The following DUOX2 variants were observed in gnomAD, a reference collection of about 807,000 sequenced individuals.
DUOX2 encodes NADH/NADPH thyroid oxidase p138-tox.
A neutral mutation model predicts 183.3 loss-of-function variants in DUOX2; 185 were observed. That is an observed-to-expected ratio of 1.01 (90% CI 0.90 to 1.14). The LOEUF is 1.14. DUOX2 is among the 50% of genes most tolerant of loss of function. DUOX2 has a pLI of 0.00. For synonymous variants in DUOX2, 788 were observed against 812.4 expected (o/e 0.97, Z 0.51); for missense variants, 1,999 against 2,022.9 (o/e 0.99, Z 0.23).
At chr15:45,098,497 G>C (rs772889514) in intron 26 of DUOX2, among the ~76,000 whole-genome samples, 3 of 152,208 alleles carry the variant, frequency 2.0e-5, no homozygotes, top group Non-Finnish European at 4.4e-5. Flanking sequence ...ATAAATGTCT[G>C]TCCAGTGAAT....
rs777465697 is a variant in DUOX2, at chr15:45,111,536, G to A, written c.563C>T (p.Ser188Leu). Residue 188 changes from serine to leucine, a missense_variant, in exon 6 of 34, where the codon TCG (serine) becomes TTG (leucine). By Grantham distance (145) the Ser-to-Leu change is moderately radical. Transcript: ENST00000389039. ...WLDGSAIYGS[S>L]HSWSDALRSF... Reference sequence around the variant, plus strand: ...CCGCAGCGCGTCGCTCCAGGAGTGCGAGGAGCCATAGATGGCGCTGCCGTC... The same window carrying A: ...CCGCAGCGCGTCGCTCCAGGAGTGCAAGGAGCCATAGATGGCGCTGCCGTC... The A allele has an allele frequency of 1.9e-6, 3 of 1,555,782 alleles. No homozygotes were observed. The highest frequency in any genetic ancestry group is 2.6e-6 in the Non-Finnish European group (3 of 1,153,862).
chr15:45,108,316 G>A, intron 12 of DUOX2, 94 bp from the exon 13 acceptor site: 1 of 1,446,154 alleles, frequency 6.9e-7, no homozygotes, highest in Non-Finnish European at 9.6e-7. Flanking sequence ...CTCAGCCGCT[G>A]CCTGGCTGCT....
chr15:45,105,022 T>C (rs1430945717), intron 18 of DUOX2, among the ~76,000 whole-genome samples: 7 of 152,190 alleles, frequency 4.6e-5, no homozygotes, highest in Non-Finnish European at 1.0e-4. Flanking sequence ...GGTTTCACCA[T>C]GTTGGCCATG....
chr15:45,103,072 G>T (rs371001731), intron 20 of DUOX2, among the ~76,000 whole-genome samples: 1 of 152,216 alleles, frequency 6.6e-6, no homozygotes, highest in Non-Finnish European at 1.5e-5. Context: ...GCCTCACCTC[G>T]GGCTGGGCCT....
In DUOX2 at chr15:45,106,380, G is replaced by A. The variant is rs893990906; in HGVS notation, c.1946-53C>T. On this transcript the variant is annotated intron_variant, in intron 16 of 33. Coordinates refer to ENST00000389039, the MANE Select transcript of DUOX2 (RefSeq NM_001363711.2). The stretch of plus-strand genomic sequence containing the variant: ...GTTCAGCAGATGTCCCCAGGTCCCC[G>A]CCTTCAGGTCAATTCCTCTGTGAGT... 8.1e-6 allele frequency: 13 copies of A among 1,605,090 alleles called. 1 individual carries two copies. The highest frequency in any genetic ancestry group is 5.0e-5 in the Admixed American group (3 of 59,930).
At position 45,112,995 on chromosome 15, in the gene DUOX2, C is replaced by G; in HGVS notation, c.152G>C (p.Gly51Ala). The G allele has an allele frequency of 1.2e-6, 2 of 1,613,610 alleles. No individual in the cohort carries two copies. The highest frequency in any genetic ancestry group is 2.7e-5 in the African/African-American group (2 of 75,070). Residue 51 changes from glycine to alanine, a missense_variant, in exon 3 of 34, where the codon GGT (glycine) becomes GCT (alanine). Transcript: ENST00000389039. ...GGGCCCCCAGAACGCACCAACAGCA[C>G]CACGCTCGTGGTGCCTCAGGTTGTT... ...WFNNLRHHER[G>A]AVGCRLQRRV...
At chr15:45,099,641 A>G (rs1894010029) in intron 25 of DUOX2, 21 bp downstream of exon 25, 2 of 1,613,632 alleles carry the variant, frequency 1.2e-6, no homozygotes, top group Admixed American at 3.3e-5. Flanking sequence ...GCAAAGAGGA[A>G]GAAGCCTGGG....
At chr15:45,098,957 G>T in intron 26 of DUOX2, 1 of 216,070 alleles carries the variant, frequency 4.6e-6, no homozygotes, top group South Asian at 7.9e-5. Flanking sequence ...TCCTGCCTCA[G>T]ACTTCCAAAG....
chr15:45,107,291 T>G, intron 14 of DUOX2, 54 bp downstream of exon 14: 1 of 1,603,838 alleles, frequency 6.2e-7, no homozygotes, highest in South Asian at 1.1e-5. Flanking sequence ...GCACCCTCAA[T>G]CTTGATCCTT....
Position 45,096,051 on chromosome 15 carries a change from T to G in DUOX2, c.3857A>C (p.Tyr1286Ser). The change falls in exon 30 of 34, where the codon TAC (tyrosine) becomes TCC (serine). Residue 1286 changes from tyrosine to serine, a missense_variant. Transcript: ENST00000389039. ...GCCTTGGGGCCTCTGGAATTGCAGG[T>G]AGGTCACTCCTGGAGGTCATAGACA... The part of the protein sequence containing the change: ...KAELLPSGVT[Y>S]LQFQRPQGFE... 6.2e-7 allele frequency: 1 copy of G among 1,613,856 alleles called. No homozygotes were observed. Among genetic ancestry groups the G allele is most frequent in the Non-Finnish European group, 8.5e-7 (1 of 1,179,860 alleles).
In DUOX2 at chr15:45,106,547, T is replaced by G; in HGVS notation, c.1926A>C (p.Ala642=). ...KKLKESVKKE[A]AKDGVPAMEW... The stretch of plus-strand genomic sequence containing the variant: ...GCTCACCTGGCACTCCATCTTTGGC[T>G]GCTTCCTTCTTCACGCTCTCTTTGA... Residue 642 remains alanine (A), a synonymous_variant, in exon 16 of 34, where the codon GCA becomes GCC. Transcript: ENST00000389039. 1.2e-6 allele frequency: 2 copies of G among 1,614,202 alleles called. No homozygotes were observed. Among genetic ancestry groups the G allele is most frequent in the Non-Finnish European group, 8.5e-7 (1 of 1,180,024 alleles).
At chr15:45,104,099 C>G (rs937047611) in intron 19 of DUOX2, 41 bp downstream of exon 19, 1 of 1,614,018 alleles carries the variant, frequency 6.2e-7, no homozygotes, top group African/African-American at 1.3e-5. Flanking sequence ...GCTGAAAGAC[C>G]CCTGGATTCT....
chr15:45,106,185 G>A lies in DUOX2; in HGVS notation c.2088C>T (p.Ile696=). 1 of 1,614,218 alleles carries A rather than the reference G, an allele frequency of 6.2e-7. No homozygotes were observed. Among genetic ancestry groups the A allele is most frequent in the Non-Finnish European group, 8.5e-7 (1 of 1,180,044 alleles). The change falls in exon 17 of 34, where the codon ATC becomes ATT. Residue 696 remains isoleucine, a synonymous_variant. Coordinates refer to ENST00000389039, the MANE Select transcript of DUOX2 (RefSeq NM_001363711.2). ...QLQPLQQVNL[I]LSNNRGCRTL... The stretch of plus-strand genomic sequence containing the variant: ...TGCGGCATCCTCGGTTGTTGGACAG[G>A]ATGAGGTTGACCTGCTGCAGAGGCT...
Position 45,111,554 on chromosome 15 carries a change from C to G in DUOX2, c.545G>C (p.Ser182Thr). The G allele has an allele frequency of 2.6e-6, 4 of 1,551,458 alleles. No homozygotes were observed. The highest frequency in any genetic ancestry group is 2.4e-5 in the South Asian group (2 of 84,378). ...GGAGTGCGAGGAGCCATAGATGGCG[C>G]TGCCGTCCAGCCAGCCCGTCACCTG... ...ANQVTGWLDGSAIYGSSHSWS... is the reference protein window; with the variant it reads ...ANQVTGWLDGTAIYGSSHSWS... Residue 182 changes from serine (S) to threonine (T), a missense_variant, in exon 6 of 34, where the codon AGC (serine) becomes ACC (threonine). Physicochemically the swap from Ser to Thr is moderately conservative, Grantham distance 58 (BLOSUM62 1). This residue lies in a region of DUOX2 where 356 missense variants were observed against 356.4 expected (regional missense o/e 1.00). Coordinates refer to ENST00000389039, the MANE Select transcript of DUOX2 (RefSeq NM_001363711.2).
chr15:45,101,907 A>C lies in DUOX2; in HGVS notation c.2737T>G (p.Phe913Val). ...CATGTCAGCTCCTCCTTGTCCTGGAATCCCGACTCCCGGAACATAGACTCC... is the reference window on the plus strand; with the variant it reads ...CATGTCAGCTCCTCCTTGTCCTGGACTCCCGACTCCCGGAACATAGACTCC... ...VVESMFRESG[F>V]QDKEELTWED... The change falls in exon 21 of 34, where the codon TTC (phenylalanine) becomes GTC (valine). Residue 913 changes from phenylalanine to valine, a missense_variant. Phe to Val is a conservative substitution (Grantham distance 50). Around this residue, in one of 3 missense-constraint regions of DUOX2, gnomAD observed 1,628 missense variants for 1,608.6 expected, o/e 1.01. Coordinates refer to ENST00000389039, the MANE Select transcript of DUOX2 (RefSeq NM_001363711.2). The C allele has an allele frequency of 6.2e-7, 1 of 1,614,210 alleles. No individual in the cohort carries two copies. Among genetic ancestry groups the C allele is most frequent in the Non-Finnish European group, 8.5e-7 (1 of 1,180,046 alleles).
Position 45,106,077 on chromosome 15 carries a change from G to A in DUOX2, c.2148+48C>T, listed in dbSNP as rs1195005881. On this transcript the variant is annotated intron_variant, in intron 17 of 33. Transcript: ENST00000389039. The stretch of plus-strand genomic sequence containing the variant: ...ATAGGGTGGCCTCGCTTGTGATAAT[G>A]GAGTCGTGTGAGGGCAGCCCAGGCT... 3 of 1,602,996 alleles carry A rather than the reference G, an allele frequency of 1.9e-6. No homozygotes were observed. The African/African-American group carries it at 4.0e-5, about 21-fold the overall frequency.
chr15:45,101,134 A>C, intron 22 of DUOX2, 71 bp downstream of exon 22: 3 of 1,396,360 alleles, frequency 2.1e-6, no homozygotes, highest in Non-Finnish European at 3.0e-6. Flanking sequence ...CTGATCAGCC[A>C]GTCCTACTCC....
chr15:45,107,066 T>C, intron 14 of DUOX2, 97 bp from the exon 15 acceptor site: 1 of 1,523,142 alleles, frequency 6.6e-7, no homozygotes, highest in Non-Finnish European at 8.9e-7. Context: ...AGGTATCATC[T>C]GTCTTCCCCA....
In DUOX2 at chr15:45,113,438, G is replaced by T. The variant is rs1379548489; in HGVS notation, c.-14-13C>A. The T allele has an allele frequency of 1.9e-6, 3 of 1,551,020 alleles. No individual in the cohort carries two copies. The highest frequency in any genetic ancestry group is 2.6e-6 in the Non-Finnish European group (3 of 1,146,990). On this transcript the variant is annotated splice_polypyrimidine_tract_variant and intron_variant, in intron 1 of 33. Transcript: ENST00000389039. ...CCAACCCTGCAGCCTGCGGGGTGAG[G>T]GTGGGGGTGGTAGGTGGTATGCGAA...
Sources: gnomAD v4.1 joint callset for allele counts (sites outside exome capture counted in the v4.1 genomes callset) on GRCh38, gnomAD v4.1.1 for gene constraint, gnomAD v4.1.1 regional missense constraint, MANE v1.5 for transcripts, NCBI Gene and HGNC (gene_info 2026-07-23, HGNC 2026-07-21) for gene names.